NEXMIF: variants seen among roughly 807,000 people sequenced by gnomAD.
NEXMIF encodes the protein XLMR protein related to neurite extension.
In NEXMIF, 8 loss-of-function variants were observed where a neutral mutation model predicts 62.1. The ratio of observed to expected loss-of-function variants is 0.13; its 90% confidence interval spans 0.08 to 0.23. The LOEUF (loss-of-function observed/expected upper bound fraction) is 0.23, where lower values mean the gene tolerates loss of function less well. Among genes scored for constraint, NEXMIF ranks in the 10% least tolerant of loss-of-function variants. The pLI, the probability that NEXMIF is intolerant of heterozygous loss-of-function variation, is 1.00. For missense variants in NEXMIF, 976 were observed against 1,113.3 expected, an observed-to-expected ratio of 0.88 and a Z score of 1.75; for synonymous variants, 404 against 416.6, an observed-to-expected ratio of 0.97 and a Z score of 0.37.
chrX:74,833,836 C>G (rs1232471999), intron 1 of NEXMIF, among the ~76,000 whole-genome samples: 1 of 111,009 alleles, frequency 9.0e-6, no homozygotes, highest in Non-Finnish European at 1.9e-5. Context: ...ATTACGTAAA[C>G]AAACAAACAC....
At chrX:74,898,060 C>T (rs1264556071) in intron 1 of NEXMIF, among the ~76,000 whole-genome samples, 1 of 111,820 alleles carries the variant, frequency 8.9e-6, no homozygotes, top group Non-Finnish European at 1.9e-5. Context: ...ACTCCATCCT[C>T]AAGGAGGTGA....
chrX:74,877,082 A>C (rs1233819520), intron 1 of NEXMIF, among the ~76,000 whole-genome samples: 1 of 111,453 alleles, frequency 9.0e-6, no homozygotes, highest in Non-Finnish European at 1.9e-5. Context: ...GTTTCTTCCT[A>C]GTCTTGATGG....
At chrX:74,902,802 G>C in intron 1 of NEXMIF, among the ~76,000 whole-genome samples, 1 of 112,023 alleles carries the variant, frequency 8.9e-6, no homozygotes, top group Non-Finnish European at 1.9e-5. Flanking sequence ...AAAATGGCAA[G>C]GTTTCCCATA....
At chrX:74,854,210 T>C (rs1394928776) in intron 1 of NEXMIF, among the ~76,000 whole-genome samples, 2 of 111,663 alleles carry the variant, frequency 1.8e-5, no homozygotes, top group East Asian at 2.8e-4. Flanking sequence ...CAACAGCACA[T>C]GAAAAAGATA....
At position 74,744,314 on chromosome X, in the gene NEXMIF, C is replaced by A. The variant is rs1201083108; in HGVS notation, c.243G>T (p.Leu81Phe). 8.3e-7 allele frequency: 1 copy of A among 1,211,445 alleles called. No individual in the cohort carries two copies. Reference protein sequence around the residue: ...KPCMQSPPSPLGLIEAPEHAA... With the variant: ...KPCMQSPPSPFGLIEAPEHAA... ...CATGTTCGGGTGCTTCAATCAGGCC[C>A]AAAGGAGAGGGCGGGCTCTGCATAC... Residue 81 changes from leucine to phenylalanine, a missense_variant, in exon 3 of 4, where the codon TTG becomes TTT. By Grantham distance (22) the Leu-to-Phe change is conservative (BLOSUM62 0). This residue lies in a region of NEXMIF where 126 missense variants were observed against 146.5 expected (regional missense o/e 0.86). Coordinates refer to ENST00000055682, the MANE Select transcript of NEXMIF (RefSeq NM_001008537.3).
chrX:74,878,557 C>T (rs2080648563), intron 1 of NEXMIF, among the ~76,000 whole-genome samples: 2 of 112,770 alleles, frequency 1.8e-5, no homozygotes, highest in South Asian at 7.3e-4. Flanking sequence ...CCTAAGCAAG[C>T]CTGGGCAATG....
chrX:74,798,506 A>G (rs1490296008), intron 1 of NEXMIF, among the ~76,000 whole-genome samples: 1 of 112,303 alleles, frequency 8.9e-6, no homozygotes, highest in Non-Finnish European at 1.9e-5. Context: ...CTTGGAGAAG[A>G]GTCTTGCTTT....
intron 1 of NEXMIF, among the ~76,000 whole-genome samples, chrX:74,862,868 G>A (rs776781850): frequency 1.8e-5 from 2 of 111,352 alleles, no homozygotes; most frequent in Admixed American, 9.6e-5. Flanking sequence ...AGCACTATAT[G>A]CCCATATGAA....
intron 1 of NEXMIF, among the ~76,000 whole-genome samples, chrX:74,829,815 C>CT (rs1325299839): frequency 9.0e-6 from 1 of 111,553 alleles, no homozygotes; most frequent in Non-Finnish European, 1.9e-5. Context: ...TGTTGAGCAC[C>CT]TTTTCATATT....
chrX:74,874,738 T>C (rs1427868309), intron 1 of NEXMIF, among the ~76,000 whole-genome samples: 1 of 92,694 alleles, frequency 1.1e-5, no homozygotes, highest in Non-Finnish European at 2.1e-5. Flanking sequence ...CCTAGGTATT[T>C]TATTCTCTTT....
At chrX:74,843,415 T>C (rs2080480530) in intron 1 of NEXMIF, among the ~76,000 whole-genome samples, 1 of 106,222 alleles carries the variant, frequency 9.4e-6, no homozygotes, top group Non-Finnish European at 1.9e-5. Flanking sequence ...GGGTCTTGCT[T>C]TTTTTTTTTG....
intron 1 of NEXMIF, among the ~76,000 whole-genome samples, chrX:74,922,233 C>G (rs2080829367): frequency 9.0e-6 from 1 of 111,233 alleles, no homozygotes; most frequent in East Asian, 2.8e-4. Flanking sequence ...TACAGGTAAC[C>G]AGAAGATTGT....
At chrX:74,755,757 G>A (rs1043679952) in intron 1 of NEXMIF, among the ~76,000 whole-genome samples, 1 of 111,994 alleles carries the variant, frequency 8.9e-6, no homozygotes, top group African/African-American at 3.2e-5. Flanking sequence ...GAGCCCAGCA[G>A]TCATGCTCAA....
At chrX:74,877,360 T>C (rs1399467684) in intron 1 of NEXMIF, among the ~76,000 whole-genome samples, 4 of 111,973 alleles carry the variant, frequency 3.6e-5, no homozygotes, top group South Asian at 3.7e-4. Flanking sequence ...CTGAGAGATC[T>C]GCTGTTAGTC....
intron 1 of NEXMIF, among the ~76,000 whole-genome samples, chrX:74,796,241 T>TAC (rs1226710501): frequency 2.4e-3 from 127 of 53,169 alleles, no homozygotes; most frequent in Non-Finnish European, 3.8e-3. Context: ...TATATATATA[T>TAC]ATACACATAT....
At chrX:74,806,493 G>T (rs1481934070) in intron 1 of NEXMIF, among the ~76,000 whole-genome samples, 3 of 111,408 alleles carry the variant, frequency 2.7e-5, no homozygotes, top group Non-Finnish European at 1.9e-5. Flanking sequence ...TTTCAATATT[G>T]GTTCCTTAAT....
Position 74,876,048 on chromosome X carries a change from G to T in NEXMIF, c.-48+48835C>A, listed in dbSNP as rs888977652. Reference sequence around the variant, plus strand: ...TTGCCTTCTGCTAGCTTTTGAATGTGTTTGCTCTTGCTTTTCTAGTTCCTT... The same window carrying T: ...TTGCCTTCTGCTAGCTTTTGAATGTTTTTGCTCTTGCTTTTCTAGTTCCTT... On this transcript the variant is annotated intron_variant, in intron 1 of 3. Coordinates refer to ENST00000055682, the MANE Select transcript of NEXMIF (RefSeq NM_001008537.3). 2.7e-5 allele frequency among the ~76,000 whole-genome samples: 3 copies of T among 110,939 alleles called. No homozygotes were observed. The Admixed American group carries it at 2.9e-4, about 11-fold the overall frequency.
At chrX:74,806,986 C>A (rs181308125) in intron 1 of NEXMIF, among the ~76,000 whole-genome samples, 1 of 112,393 alleles carries the variant, frequency 8.9e-6, no homozygotes, top group East Asian at 2.8e-4. Flanking sequence ...GTCAGCCCTC[C>A]AATTTTGTTT....
chrX:74,919,622 C>A (rs2080819442), intron 1 of NEXMIF, among the ~76,000 whole-genome samples: 2 of 109,864 alleles, frequency 1.8e-5, no homozygotes, highest in South Asian at 7.8e-4. Flanking sequence ...TACACCTGTT[C>A]TTTTTTTTTA....
Sources: gnomAD v4.1 joint callset for allele counts (sites outside exome capture counted in the v4.1 genomes callset) on GRCh38, gnomAD v4.1.1 for gene constraint, gnomAD v4.1.1 regional missense constraint, MANE v1.5 for transcripts, NCBI Gene and HGNC (gene_info 2026-07-23, HGNC 2026-07-21) for gene names.